CCDC30: variants seen among roughly 807,000 people sequenced by gnomAD.
CCDC30 encodes coiled-coil domain containing 30.
In CCDC30, 70 loss-of-function variants were observed where a neutral mutation model predicts 100.2. The observed-to-expected ratio is 0.70, with a 90% confidence interval of 0.58 to 0.85. The LOEUF is 0.85. CCDC30 is among the 40% of genes least tolerant of loss of function. CCDC30 has a pLI of 0.00. For synonymous variants in CCDC30, 233 were observed against 269.5 expected (o/e 0.86, Z 1.33); for missense variants, 652 against 771.2 (o/e 0.85, Z 1.83).
chr1:42,498,919 A>T lies in CCDC30; in HGVS notation c.456+3A>T. 1 of 1,226,608 alleles carries T rather than the reference A, an allele frequency of 8.2e-7. No individual in the cohort carries two copies. Among genetic ancestry groups the T allele is most frequent in the Non-Finnish European group, 1.0e-6 (1 of 981,178 alleles). 76.0% of individuals were successfully genotyped at this position (1,226,608 alleles called of 1,614,324 possible). On this transcript the variant is annotated splice_donor_region_variant and intron_variant, in intron 6 of 16. Coordinates refer to ENST00000668663, the Ensembl canonical transcript of CCDC30. ...TGGGTGGTGAACAGAGAGAACAGGT[A>T]TTGTATTTTAAAGTTCTGTTCTTTC...
downstream of CCDC30, among the ~76,000 whole-genome samples, chr1:42,655,917 A>C (rs1441194539): frequency 8.3e-6 from 1 of 120,362 alleles, no homozygotes; most frequent in Non-Finnish European, 1.6e-5. Flanking sequence ...TTTGTAACCC[A>C]GGCTGGAGTG....
intron 15 of CCDC30, among the ~76,000 whole-genome samples, chr1:42,650,399 T>C (rs1283352515): frequency 1.3e-5 from 2 of 151,482 alleles, no homozygotes; most frequent in Admixed American, 6.6e-5. Context: ...GGCAAGAGGA[T>C]TGCTTGAGCC....
At chr1:42,472,299 C>A (rs1008061859) in intron 1 of CCDC30, among the ~76,000 whole-genome samples, 2 of 152,104 alleles carry the variant, frequency 1.3e-5, no homozygotes, top group African/African-American at 4.8e-5. Context: ...GATATCACTT[C>A]ATCGATCAGC....
At chr1:42,621,502 T>A (rs1442441676) in intron 11 of CCDC30, among the ~76,000 whole-genome samples, 1 of 148,780 alleles carries the variant, frequency 6.7e-6, no homozygotes, top group Non-Finnish European at 1.5e-5. Context: ...TTTTATTTTA[T>A]TTATTTATTT....
chr1:42,548,833 G>A (rs1217405021), intron 6 of CCDC30, among the ~76,000 whole-genome samples: 1 of 152,134 alleles, frequency 6.6e-6, no homozygotes, highest in Non-Finnish European at 1.5e-5. Context: ...GTCTTCAATT[G>A]AAGTGAAGTA....
intron 10 of CCDC30, among the ~76,000 whole-genome samples, chr1:42,606,599 G>A (rs1325126396): frequency 2.6e-5 from 4 of 152,162 alleles, no homozygotes; most frequent in Non-Finnish European, 5.9e-5. Flanking sequence ...TTCTTTGCAT[G>A]AGCAGGTTCC....
chr1:42,488,516 G>T (rs1052269368), intron 3 of CCDC30, among the ~76,000 whole-genome samples: 1 of 151,934 alleles, frequency 6.6e-6, no homozygotes, highest in Admixed American at 6.6e-5. Context: ...GGTTTTACTT[G>T]CCCAGGCTGA....
intron 4 of CCDC30, chr1:42,492,097 C>T (rs1200832889): frequency 3.2e-6 from 1 of 312,140 alleles, no homozygotes; most frequent in Admixed American, 4.3e-5. Context: ...ATGATTGAAC[C>T]TCACATTGAT....
intron 10 of CCDC30, among the ~76,000 whole-genome samples, chr1:42,606,524 C>T (rs1387403380): frequency 2.6e-5 from 4 of 152,118 alleles, no homozygotes; most frequent in Admixed American, 2.6e-4. Context: ...GTGATCCACC[C>T]GCCTCGGCCT....
intron 6 of CCDC30, among the ~76,000 whole-genome samples, chr1:42,511,808 C>G (rs929567202): frequency 5.3e-5 from 8 of 152,080 alleles, no homozygotes; most frequent in Admixed American, 6.5e-5. Flanking sequence ...GCCATGTGCT[C>G]TCCAGACTAA....
At chr1:42,562,891 A>C (rs1031384283) in intron 6 of CCDC30, among the ~76,000 whole-genome samples, 1 of 152,210 alleles carries the variant, frequency 6.6e-6, no homozygotes, top group African/African-American at 2.4e-5. Context: ...ATGCAAATCA[A>C]AACCACAATG....
intron 6 of CCDC30, among the ~76,000 whole-genome samples, chr1:42,515,207 C>CAAAAAAA (rs58531777): frequency 7.3e-6 from 1 of 136,808 alleles, no homozygotes. Context: ...AGCTGCAAGC[C>CAAAAAAA]AAAAAAAAAA....
At chr1:42,505,589 G>C (rs1466075519) in intron 6 of CCDC30, among the ~76,000 whole-genome samples, 1 of 152,156 alleles carries the variant, frequency 6.6e-6, no homozygotes, top group African/African-American at 2.4e-5. Context: ...TTTGCATAAA[G>C]TGCAACAAGA....
At chr1:42,635,851 G>A (rs1183524463) in intron 11 of CCDC30, among the ~76,000 whole-genome samples, 1 of 151,734 alleles carries the variant, frequency 6.6e-6, no homozygotes, top group Non-Finnish European at 1.5e-5. Flanking sequence ...ACCACTTGAG[G>A]AACTGCCAGG....
chr1:42,625,518 G>T (rs1203795854), intron 11 of CCDC30, among the ~76,000 whole-genome samples: 1 of 151,558 alleles, frequency 6.6e-6, no homozygotes, highest in African/African-American at 2.4e-5. Flanking sequence ...TAAACTTACT[G>T]CTTTTGCTGT....
chr1:42,545,526 A>C (rs1645111165), intron 6 of CCDC30: 1 of 1,605,888 alleles, frequency 6.2e-7, no homozygotes, highest in Admixed American at 1.7e-5. Flanking sequence ...AATCTAATGA[A>C]CCAATTTTGG....
chr1:42,602,414 G>A (rs189636281), intron 10 of CCDC30, among the ~76,000 whole-genome samples: 1 of 151,976 alleles, frequency 6.6e-6, no homozygotes, highest in Admixed American at 6.6e-5. Context: ...AAAAAAAGAG[G>A]GAGAGAGGAC....
intron 14 of CCDC30, among the ~76,000 whole-genome samples, chr1:42,645,195 GAATA>G (rs758889324): frequency 2.0e-5 from 3 of 152,020 alleles, no homozygotes; most frequent in Non-Finnish European, 2.9e-5. Flanking sequence ...ATTTGAGAAT[GAATA>G]AATATTCAGT....
At chr1:42,456,490 C>T in the CCDC30 span, 2 of 1,394,174 alleles carry the variant, frequency 1.4e-6, no homozygotes, top group Admixed American at 3.1e-5. Flanking sequence ...CGGCGCGGCG[C>T]GTACACCAGG....
Sources: allele counts gnomAD v4.1 joint callset (sites outside exome capture counted in the v4.1 genomes callset), GRCh38; gene constraint gnomAD v4.1.1; transcripts MANE v1.5; gene names NCBI Gene and HGNC (gene_info 2026-07-23, HGNC 2026-07-21).